The following OPCML variants were observed in gnomAD, a reference collection of about 807,000 sequenced individuals.
OPCML encodes opioid binding protein/cell adhesion molecule like.
In OPCML, 13 loss-of-function variants were observed where a neutral mutation model predicts 37.8. The observed-to-expected ratio is 0.34, with a 90% CI of 0.22 to 0.55. The LOEUF (loss-of-function observed/expected upper bound fraction) is 0.55. Ranked by LOEUF, OPCML falls within the 20% of genes least tolerant of loss-of-function variation. The pLI is 0.91. For missense variants in OPCML, 341 were observed against 435.6 expected, an observed-to-expected ratio of 0.78 and a Z score of 1.93; for synonymous variants, 176 against 168.8, an observed-to-expected ratio of 1.04 and a Z score of -0.33.
intron 1 of OPCML, among the ~76,000 whole-genome samples, chr11:133,426,299 T>C (rs1469544032): frequency 6.6e-6 from 1 of 152,168 alleles, no homozygotes; most frequent in Non-Finnish European, 1.5e-5. Context: ...GATTTTTTTT[T>C]AACCAAACTA....
At chr11:133,445,052 C>A (rs1386975119) in intron 1 of OPCML, among the ~76,000 whole-genome samples, 1 of 123,490 alleles carries the variant, frequency 8.1e-6, no homozygotes, top group Non-Finnish European at 1.6e-5. Context: ...CCCATCTACA[C>A]AATTTCAGGT....
chr11:132,463,749 C>T (rs2096110768), intron 4 of OPCML, among the ~76,000 whole-genome samples: 1 of 152,218 alleles, frequency 6.6e-6, no homozygotes, highest in Non-Finnish European at 1.5e-5. Context: ...TCATCTGTGG[C>T]ATTTAAGTAG....
At chr11:132,599,481 A>G (rs2137765448) in intron 3 of OPCML, among the ~76,000 whole-genome samples, 1 of 151,996 alleles carries the variant, frequency 6.6e-6, no homozygotes, top group African/African-American at 2.4e-5. Flanking sequence ...GGAGAAGAGG[A>G]AAGAAAAAGA....
In OPCML at chr11:132,872,516, C is replaced by T. The variant is rs139845765; in HGVS notation, c.146+70410G>A. Among the ~76,000 whole-genome samples, 103 of 152,212 alleles carry T rather than the reference C, an allele frequency of 6.8e-4. 3 individuals carry two copies. The South Asian group carries it at 0.013, about 19-fold the overall frequency. On this transcript the variant is annotated intron_variant, in intron 2 of 7. Coordinates refer to ENST00000524381, the MANE Select transcript of OPCML (RefSeq NM_001012393.5). The stretch of plus-strand genomic sequence containing the variant: ...GCAACTCCAGGCCTGGCCCAGTCTG[C>T]ATATCTGGTGACTGGCAGGACAAAG...
At chr11:132,611,753 G>A (rs555142348) in intron 3 of OPCML, among the ~76,000 whole-genome samples, 28 of 152,212 alleles carry the variant, frequency 1.8e-4, no homozygotes, top group African/African-American at 3.1e-4. Context: ...CCAGGGGCTC[G>A]ACAAATTCCA....
intron 4 of OPCML, among the ~76,000 whole-genome samples, chr11:132,468,782 G>C (rs747822300): frequency 2.0e-5 from 3 of 152,172 alleles, no homozygotes; most frequent in Non-Finnish European, 4.4e-5. Flanking sequence ...TCATTTTAGG[G>C]AAAAGTCTCA....
intron 3 of OPCML, among the ~76,000 whole-genome samples, chr11:132,655,568 G>A (rs1042265003): frequency 1.3e-5 from 2 of 152,246 alleles, no homozygotes; most frequent in African/African-American, 4.8e-5. Context: ...TCTGTCGGAT[G>A]GCGTGTGTGA....
At chr11:132,432,198 A>C (rs2095999359) in intron 7 of OPCML, among the ~76,000 whole-genome samples, 1 of 152,200 alleles carries the variant, frequency 6.6e-6, no homozygotes, top group Non-Finnish European at 1.5e-5. Flanking sequence ...AATCAGGATA[A>C]ATATAGTACT....
chr11:132,511,621 A>G (rs929376422), intron 4 of OPCML, among the ~76,000 whole-genome samples: 7 of 150,706 alleles, frequency 4.6e-5, no homozygotes, highest in Non-Finnish European at 5.9e-5. Context: ...ATTGATTTTC[A>G]ACAAAGAAAC....
chr11:132,736,427 T>C (rs551214966), intron 2 of OPCML, among the ~76,000 whole-genome samples: 1 of 152,264 alleles, frequency 6.6e-6, no homozygotes, highest in South Asian at 2.1e-4. Flanking sequence ...ATATGAATGG[T>C]TAAGGGACAG....
chr11:133,412,365 G>A (rs1945668604), intron 1 of OPCML, among the ~76,000 whole-genome samples: 3 of 152,306 alleles, frequency 2.0e-5, no homozygotes, highest in South Asian at 4.1e-4. Context: ...TGTCACTGAT[G>A]TCTATGGGTC....
Position 133,088,022 on chromosome 11 carries a change from A to AT in OPCML, c.62-145013dup, listed in dbSNP as rs1454717704. Among the ~76,000 whole-genome samples, 3 of 152,262 alleles carry AT rather than the reference A, an allele frequency of 2.0e-5. No individual in the cohort carries two copies. The East Asian group carries it at 5.8e-4, about 29-fold the overall frequency. ...ATAAATATATGAGAAAAAGTGTGTA[A>AT]TAAGAAGGTAAGGGTGAGAAATAAA... On this transcript the variant is annotated intron_variant, in intron 1 of 7. Coordinates refer to ENST00000524381, the MANE Select transcript of OPCML (RefSeq NM_001012393.5).
intron 2 of OPCML, among the ~76,000 whole-genome samples, chr11:132,678,756 G>C (rs1942816837): frequency 6.6e-6 from 1 of 152,178 alleles, no homozygotes; most frequent in Non-Finnish European, 1.5e-5. Context: ...CAGAGCAATG[G>C]GGCTTACAGG....
chr11:132,567,849 G>A (rs1383896527), intron 3 of OPCML, among the ~76,000 whole-genome samples: 1 of 152,194 alleles, frequency 6.6e-6, no homozygotes, highest in African/African-American at 2.4e-5. Flanking sequence ...TAAGGCTCTA[G>A]GAGTGGGCCT....
chr11:132,475,125 G>T (rs2096150989), intron 4 of OPCML, among the ~76,000 whole-genome samples: 1 of 152,252 alleles, frequency 6.6e-6, no homozygotes, highest in Admixed American at 6.5e-5. Context: ...GAGAAGCAAA[G>T]GTTGGGTTTT....
At chr11:133,213,364 C>G (rs1939449782) in intron 1 of OPCML, among the ~76,000 whole-genome samples, 1 of 151,620 alleles carries the variant, frequency 6.6e-6, no homozygotes, top group South Asian at 2.1e-4. Flanking sequence ...CTTTTTCATA[C>G]ATAACCTCAT....
At chr11:133,515,831 T>C (rs1948258323) in intron 1 of OPCML, among the ~76,000 whole-genome samples, 1 of 147,536 alleles carries the variant, frequency 6.8e-6, no homozygotes, top group Admixed American at 6.6e-5. Context: ...TCCTGGATTC[T>C]GCCAAGAAGA....
intron 3 of OPCML, among the ~76,000 whole-genome samples, chr11:132,541,868 C>A (rs2096357446): frequency 6.6e-6 from 1 of 152,116 alleles, no homozygotes; most frequent in South Asian, 2.1e-4. Flanking sequence ...TTGGTTTGGA[C>A]ACAGTGAGAT....
chr11:132,777,371 A>G lies in OPCML; in HGVS notation c.147-120052T>C, dbSNP rs112477491. On this transcript the variant is annotated intron_variant, in intron 2 of 7. Transcript: ENST00000524381. ...GAAGCTTCATGAACATTACTTTTTT[A>G]TGTCCAAAACAATGAAACCTTGAAC... 3.4e-3 allele frequency among the ~76,000 whole-genome samples: 518 copies of G among 152,240 alleles called. 5 individuals are homozygous for G. The highest frequency in any genetic ancestry group is 0.012 in the African/African-American group (488 of 41,536).
Sources: allele counts gnomAD v4.1 joint callset (sites outside exome capture counted in the v4.1 genomes callset), GRCh38; gene constraint gnomAD v4.1.1; transcripts MANE v1.5; gene names NCBI Gene and HGNC (gene_info 2026-07-23, HGNC 2026-07-21).